ACER3: variants seen among roughly 807,000 people sequenced by gnomAD.
ACER3 encodes the protein alkCDase 3.
In ACER3, 16 loss-of-function variants were observed where a neutral mutation model predicts 48.9. That is an observed-to-expected ratio of 0.33 (90% CI 0.22 to 0.50). ACER3 has a LOEUF of 0.50. Ranked by LOEUF, ACER3 falls within the 20% of genes least tolerant of loss-of-function variation. The pLI is 0.98. For missense variants in ACER3, 227 were observed against 326.0 expected (o/e 0.70, Z 2.34); for synonymous variants, 109 against 107.8 (o/e 1.01, Z -0.07).
At chr11:76,955,737 T>C (rs1164039292) in intron 2 of ACER3, among the ~76,000 whole-genome samples, 1 of 152,154 alleles carries the variant, frequency 6.6e-6, no homozygotes, top group African/African-American at 2.4e-5. Context: ...GGCTAGAGCT[T>C]CAACATATGA....
At position 76,868,389 on chromosome 11, in the gene ACER3, C is replaced by CTG. The variant is rs1235157674; in HGVS notation, c.103+7311_103+7312insGT. The CTG allele has an allele frequency of 6.0e-3, 1,124 of 186,626 alleles. 2 individuals carry two copies. Among genetic ancestry groups the CTG allele is most frequent in the East Asian group, 0.012 (98 of 8,240 alleles). The allele number at this position is 186,626 out of a possible 1,614,324, so 11.6% of individuals were successfully genotyped here. On this transcript the variant is annotated intron_variant, in intron 1 of 10. Coordinates refer to ENST00000532485, the MANE Select transcript of ACER3 (RefSeq NM_018367.7). ...TTAGTTTTAATATCTCTCTCTCTCT[C>CTG]TCTGTGTGTGTGTGTGTGTGTGTGT...
intron 3 of ACER3, among the ~76,000 whole-genome samples, chr11:76,961,238 G>C (rs561465190): frequency 3.5e-4 from 54 of 152,260 alleles, no homozygotes; most frequent in African/African-American, 1.2e-3. Flanking sequence ...ATGAAAACTA[G>C]AATGAGCTCT....
At chr11:76,915,452 G>A (rs372978632) in intron 1 of ACER3, among the ~76,000 whole-genome samples, 4 of 151,824 alleles carry the variant, frequency 2.6e-5, no homozygotes, top group South Asian at 2.1e-4. Flanking sequence ...CCCCGAGATC[G>A]TACTTCACCA....
intron 5 of ACER3, among the ~76,000 whole-genome samples, chr11:76,986,933 G>C (rs185154506): frequency 6.6e-6 from 1 of 152,206 alleles, no homozygotes; most frequent in East Asian, 1.9e-4. Context: ...GGGTGTGGTG[G>C]CACTCCCCTG....
chr11:76,940,947 C>T (rs1947321926), intron 2 of ACER3, among the ~76,000 whole-genome samples: 1 of 151,666 alleles, frequency 6.6e-6, no homozygotes, highest in Admixed American at 6.6e-5. Flanking sequence ...TTTGCTAAAA[C>T]TTCTTATATT....
chr11:76,868,395 G>GTA (rs1945157569), intron 1 of ACER3: 2 of 131,704 alleles, frequency 1.5e-5, no homozygotes, highest in African/African-American at 7.0e-5. Context: ...CTCTCTCTGT[G>GTA]TGTGTGTGTG....
At chr11:76,905,312 A>G (rs770211763) in intron 1 of ACER3, among the ~76,000 whole-genome samples, 18 of 152,216 alleles carry the variant, frequency 1.2e-4, no homozygotes, top group Non-Finnish European at 2.2e-4. Flanking sequence ...AACAATATCT[A>G]TTGACTCCCC....
In ACER3 at chr11:77,021,569, C is replaced by T. The variant is rs568138667; in HGVS notation, c.*1242C>T. On this transcript the variant is annotated 3_prime_UTR_variant, in exon 11 of 11. Transcript: ENST00000532485. Reference sequence around the variant, plus strand: ...TGCTCATGTTTCATCATATTTGTAGCTCTGCATCATTTAGCATTTTTATGA... The same window carrying T: ...TGCTCATGTTTCATCATATTTGTAGTTCTGCATCATTTAGCATTTTTATGA... 4.6e-5 allele frequency: 7 copies of T among 152,298 alleles called. No homozygotes were observed. The highest frequency in any genetic ancestry group is 1.4e-4 in the African/African-American group (6 of 41,550). The allele number at this position is 152,298 out of a possible 1,614,324, so 9.4% of individuals were successfully genotyped here. A position where few individuals can be genotyped will look rare whatever the true frequency, so the allele number is the denominator to read the frequency against.
intron 3 of ACER3, among the ~76,000 whole-genome samples, chr11:76,970,869 G>C (rs1292902370): frequency 6.6e-6 from 1 of 152,052 alleles, no homozygotes; most frequent in Non-Finnish European, 1.5e-5. Context: ...ATGCCCATTA[G>C]CAACCACTCC....
At chr11:76,868,389 CTCTGTGTGTGTGTGTG>C in intron 1 of ACER3, 3 of 185,800 alleles carry the variant, frequency 1.6e-5, no homozygotes, top group South Asian at 5.4e-5. Flanking sequence ...CTCTCTCTCT[CTCTGTGTGTGTGTGTG>C]TGTGTGTGTG....
chr11:77,015,966 G>A (rs1159141650), intron 8 of ACER3, among the ~76,000 whole-genome samples: 1 of 152,110 alleles, frequency 6.6e-6, no homozygotes, highest in Non-Finnish European at 1.5e-5. Context: ...AATTAGCTGG[G>A]CCTGGTGACG....
rs368283365 is a variant in ACER3, at chr11:76,879,655, A to G, written c.103+18576A>G. Reference sequence around the variant, plus strand: ...TGAATAGGTGTTGGGTTTGTCAAATATTATTCTATATCAAAGTGATCATGT... The same window carrying G: ...TGAATAGGTGTTGGGTTTGTCAAATGTTATTCTATATCAAAGTGATCATGT... On this transcript the variant is annotated intron_variant, in intron 1 of 10. Transcript: ENST00000532485. Among the ~76,000 whole-genome samples, 10 of 152,318 alleles carry G rather than the reference A, an allele frequency of 6.6e-5. No homozygotes were observed. The East Asian group carries it at 1.3e-3, about 21-fold the overall frequency.
At chr11:76,926,476 T>G (rs966033931) in intron 1 of ACER3, 81 bp from the exon 2 acceptor site, 1 of 758,886 alleles carries the variant, frequency 1.3e-6, no homozygotes, top group African/African-American at 1.8e-5. Flanking sequence ...TGTGTAATTG[T>G]TGTTAAAGCC....
intron 1 of ACER3, among the ~76,000 whole-genome samples, chr11:76,912,837 A>G (rs955870578): frequency 2.0e-5 from 3 of 152,222 alleles, no homozygotes; most frequent in African/African-American, 4.8e-5. Flanking sequence ...AAGAGATCCA[A>G]GTTACTGGCA....
intron 1 of ACER3, among the ~76,000 whole-genome samples, chr11:76,870,710 T>C (rs1468481679): frequency 6.6e-6 from 1 of 152,218 alleles, no homozygotes; most frequent in Non-Finnish European, 1.5e-5. Flanking sequence ...GTTAATGTAC[T>C]TTATCCCTGT....
intron 1 of ACER3, among the ~76,000 whole-genome samples, chr11:76,913,766 G>A (rs896571440): frequency 6.6e-6 from 1 of 152,160 alleles, no homozygotes; most frequent in Non-Finnish European, 1.5e-5. Context: ...CAAGAACAAA[G>A]CTGGAGGCAT....
chr11:77,016,812 A>G (rs1555023456), intron 9 of ACER3, 33 bp downstream of exon 9: 2 of 1,208,122 alleles, frequency 1.7e-6, no homozygotes, highest in Admixed American at 2.3e-5. Context: ...GCCTCGTACT[A>G]GAGTTTGTTG....
chr11:76,870,293 C>T (rs1445507981), intron 1 of ACER3, among the ~76,000 whole-genome samples: 1 of 151,432 alleles, frequency 6.6e-6, no homozygotes, highest in Non-Finnish European at 1.5e-5. Context: ...TGCCACCACA[C>T]CTGTCTATTT....
At chr11:76,932,728 A>T (rs1947042156) in intron 2 of ACER3, among the ~76,000 whole-genome samples, 1 of 152,220 alleles carries the variant, frequency 6.6e-6, no homozygotes, top group Non-Finnish European at 1.5e-5. Flanking sequence ...GAGAAACAGT[A>T]TTATGACCTT....
Sources: gnomAD v4.1 joint callset for allele counts (sites outside exome capture counted in the v4.1 genomes callset) on GRCh38, gnomAD v4.1.1 for gene constraint, MANE v1.5 for transcripts, NCBI Gene and HGNC (gene_info 2026-07-23, HGNC 2026-07-21) for gene names.